UGT2B4: variants seen among roughly 807,000 people sequenced by gnomAD.
UGT2B4 encodes UDP glucuronosyltransferase family 2 member B4, also known as UDP-glucuronosyltransferase 2B4.
In UGT2B4, 49 loss-of-function variants were observed where a neutral mutation model predicts 49.8. The ratio of observed to expected loss-of-function variants is 0.98; its 90% CI spans 0.78 to 1.25. The LOEUF (loss-of-function observed/expected upper bound fraction) is 1.25, where lower values mean the gene tolerates loss of function less well. Ranked by LOEUF, UGT2B4 falls within the 50% of genes most tolerant of loss-of-function variation. The probability of loss-of-function intolerance (pLI) is 0.00; values close to 1 mark genes in which losing one functional copy is unlikely to be tolerated. For missense variants in UGT2B4, 729 were observed against 627.7 expected, an observed-to-expected ratio of 1.16 and a Z score of -1.73; for synonymous variants, 246 against 217.7, an observed-to-expected ratio of 1.13 and a Z score of -1.14.
chr4:69,507,156 A>G (rs1409328042), intron 1 of UGT2B4, among the ~76,000 whole-genome samples: 1 of 152,168 alleles, frequency 6.6e-6, no homozygotes, highest in Non-Finnish European at 1.5e-5. Context: ...TTCCCTTGAA[A>G]ACCTCCACAA....
Position 69,487,278 on chromosome 4 carries a change from T to C in UGT2B4, c.1003-582A>G, listed in dbSNP as rs184775575. ...TTAGAACATGCACATGTATGTTTAC[T>C]ACAGACAAATATACATTTTACTCTA... On this transcript the variant is annotated intron_variant, in intron 3 of 5. Transcript: ENST00000305107. 8.5e-5 allele frequency among the ~76,000 whole-genome samples: 13 copies of C among 152,306 alleles called. No homozygotes were observed. In the East Asian group the frequency reaches 2.1e-3, roughly 25 times the overall value.
chr4:69,502,984 G>GTAT (rs1553896783), intron 1 of UGT2B4, among the ~76,000 whole-genome samples: 144,132 of 152,010 alleles, frequency 0.95, 68,812 homozygotes, highest in East Asian at 1. Context: ...CCTCTCTGGG[G>GTAT]GGATCCTCCA....
Position 69,485,317 on chromosome 4 carries a change from C to T in UGT2B4, c.1201G>A (p.Asp401Asn), listed in dbSNP as rs1727745109. ...TTGGCCTTCATGTGTGCAATGTTAT[C>T]AGGTTGATCTGCAAACAATGGAACG... ...VGVPLFADQP[D>N]NIAHMKAKGA... The change falls in exon 5 of 6, where the codon GAT (aspartate) becomes AAT (asparagine). Residue 401 changes from aspartate (D) to asparagine (N), a missense_variant. Physicochemically the swap from Asp to Asn is conservative, Grantham distance 23. Transcript: ENST00000305107. The T allele has an allele frequency of 6.2e-7, 1 of 1,613,888 alleles. No individual in the cohort carries two copies. Among genetic ancestry groups the T allele is most frequent in the Non-Finnish European group, 8.5e-7 (1 of 1,179,956 alleles).
At chr4:69,511,641 G>T (rs189190151) in intron 1 of UGT2B4, among the ~76,000 whole-genome samples, 1 of 151,760 alleles carries the variant, frequency 6.6e-6, no homozygotes, top group Admixed American at 6.6e-5. Context: ...TATTTCTGTC[G>T]CGTGTTTGTC....
chr4:69,509,168 C>CCATTT (rs1728545589), intron 1 of UGT2B4, among the ~76,000 whole-genome samples: 1 of 43,916 alleles, frequency 2.3e-5, no homozygotes, highest in African/African-American at 6.1e-5. Context: ...TATGGAATTT[C>CCATTT]TATTTTTTTT....
Position 69,493,759 on chromosome 4 carries a change from G to A in UGT2B4, c.804C>T (p.His268=), listed in dbSNP as rs373959839. ...CGAACTCAACATTTGGTAAGAGTGGGTGAGGAAATTGAAAATCCCAGTAGT... is the reference window on the plus strand; with the variant it reads ...CGAACTCAACATTTGGTAAGAGTGGATGAGGAAATTGAAAATCCCAGTAGT... The part of the protein sequence containing the change: ...IRNYWDFQFP[H]PLLPNVEFVG... The change falls in exon 2 of 6, where the codon CAC becomes CAT. Residue 268 remains histidine, a synonymous_variant. Transcript: ENST00000305107. 4 of 1,611,986 alleles carry A rather than the reference G, an allele frequency of 2.5e-6. No homozygotes were observed. The African/African-American group carries it at 4.0e-5, about 16-fold the overall frequency.
rs113108938 is a variant in UGT2B4 at position 69,506,332 on chromosome 4, T to C, written c.-105-10366A>G. Among the ~76,000 whole-genome samples, 10 of 151,840 alleles carry C rather than the reference T, an allele frequency of 6.6e-5. 1 individual carries two copies. Among genetic ancestry groups the C allele is most frequent in the African/African-American group, 2.4e-4 (10 of 41,426 alleles). ...CAAATTAACAAAATAGAATTCTAGC[T>C]ACAATAATAAAGAAAAAAGAGAGAA... On this transcript the variant is annotated intron_variant, in intron 1 of 1. Coordinates refer to the UGT2B4 transcript ENST00000510114.
In UGT2B4 at chr4:69,495,179, T is replaced by C. The variant is rs1728109101; in HGVS notation, c.683A>G (p.Asp228Gly). 1 of 1,579,768 alleles carries C rather than the reference T, an allele frequency of 6.3e-7. No individual in the cohort carries two copies. The highest frequency in any genetic ancestry group is 1.4e-5 in the African/African-American group (1 of 73,280). Residue 228 changes from aspartate (D) to glycine (G), a missense_variant, in exon 1 of 6, where the codon GAC (aspartate) becomes GGC (glycine). Coordinates refer to ENST00000305107, the MANE Select transcript of UGT2B4 (RefSeq NM_021139.3). ...GTAGAACTGATCCCACTTCTTCATG[T>C]CAAATATTTGGAACCAAAATTCAAA... ...LYFEFWFQIF[D>G]MKKWDQFYSE...
At chr4:69,480,967 G>A (rs955429018) in intron 5 of UGT2B4, 57 bp from the exon 6 acceptor site, 4 of 1,579,616 alleles carry the variant, frequency 2.5e-6, no homozygotes, top group Admixed American at 1.7e-5. Context: ...GGCCAGGCAC[G>A]GAGGCTCACA....
intron 1 of UGT2B4, among the ~76,000 whole-genome samples, chr4:69,518,799 C>T (rs1414160156): frequency 6.6e-6 from 1 of 152,070 alleles, no homozygotes; most frequent in Non-Finnish European, 1.5e-5. Context: ...ACTTTGACTA[C>T]CCAATGATTT....
intron 1 of UGT2B4, among the ~76,000 whole-genome samples, chr4:69,505,296 A>G (rs951390112): frequency 6.6e-6 from 1 of 152,172 alleles, no homozygotes; most frequent in Admixed American, 6.5e-5. Context: ...TTAAAGAACC[A>G]AGACCCATTG....
chr4:69,521,276 T>A (rs1271531280), intron 1 of UGT2B4, among the ~76,000 whole-genome samples: 1 of 152,184 alleles, frequency 6.6e-6, no homozygotes. Flanking sequence ...CTACTTGTCA[T>A]ATTGCAGGTG....
At chr4:69,488,907 AG>A (rs1223091988) in intron 3 of UGT2B4, among the ~76,000 whole-genome samples, 3 of 152,068 alleles carry the variant, frequency 2.0e-5, no homozygotes, top group African/African-American at 7.2e-5. Flanking sequence ...TTCTCTGAAT[AG>A]TACCCTGAAT....
At chr4:69,523,714 GCTTTAAAGCCAGGCATTGACTTCTTAT>G (rs1728898035) in intron 1 of UGT2B4, among the ~76,000 whole-genome samples, 1 of 152,070 alleles carries the variant, frequency 6.6e-6, no homozygotes, top group African/African-American at 2.4e-5. Context: ...GTGCTTTAAA[GCTTTAAAGCCAGGCATTGACTTCTTAT>G]CTTTCACTAT....
chr4:69,504,566 G>T (rs1193406685), intron 1 of UGT2B4, among the ~76,000 whole-genome samples: 1 of 152,014 alleles, frequency 6.6e-6, no homozygotes, highest in East Asian at 1.9e-4. Flanking sequence ...AGAATGAAAA[G>T]GAATGAATGA....
At chr4:69,521,551 GCA>G (rs1728849956) in intron 1 of UGT2B4, among the ~76,000 whole-genome samples, 1 of 152,218 alleles carries the variant, frequency 6.6e-6, no homozygotes, top group Non-Finnish European at 1.5e-5. Context: ...GCCTGGCTGT[GCA>G]CAGTGGCTGG....
At position 69,493,690 on chromosome 4, in the gene UGT2B4, T is replaced by A; in HGVS notation, c.870+3A>T. ...GCAGACAAAACAAACAGTAATAGTT[T>A]ACCTTCGGTAGGGGTTTGGCAGGTT... is the stretch of plus-strand genomic sequence containing the variant. On this transcript the variant is annotated splice_donor_region_variant and intron_variant, in intron 2 of 5. Transcript: ENST00000305107. 1 of 1,604,878 alleles carries A rather than the reference T, an allele frequency of 6.2e-7. No homozygotes were observed.
chr4:69,517,088 A>G (rs968124521), intron 1 of UGT2B4, among the ~76,000 whole-genome samples: 7 of 152,126 alleles, frequency 4.6e-5, no homozygotes, highest in African/African-American at 1.7e-4. Flanking sequence ...TGGGAAAACC[A>G]AAATCATTTT....
At chr4:69,493,415 T>C (rs971824248) in intron 2 of UGT2B4, among the ~76,000 whole-genome samples, 7 of 152,174 alleles carry the variant, frequency 4.6e-5, no homozygotes, top group Admixed American at 4.6e-4. Flanking sequence ...ATAAATATTC[T>C]TTGAATGAAT....
Sources: gnomAD v4.1 joint callset for allele counts (sites outside exome capture counted in the v4.1 genomes callset) on GRCh38, gnomAD v4.1.1 for gene constraint, MANE v1.5 for transcripts, NCBI Gene and HGNC (gene_info 2026-07-23, HGNC 2026-07-21) for gene names.